Variants in SPRY1 observed in about 807,000 individuals in gnomAD.
SPRY1 encodes the protein protein sprouty homolog 1.
SPRY1 carries 20 observed loss-of-function variants against 22.6 expected under a neutral mutation model. That is an observed-to-expected ratio of 0.89 (90% CI 0.62 to 1.29). The LOEUF is 1.29. Ranked by LOEUF, SPRY1 falls within the 50% of genes most tolerant of loss-of-function variation. The probability of loss-of-function intolerance (pLI) is 0.00; values close to 1 mark genes in which losing one functional copy is unlikely to be tolerated. For missense variants in SPRY1, 446 were observed against 387.7 expected (o/e 1.15, Z -1.26); for synonymous variants, 155 against 144.7 (o/e 1.07, Z -0.51).
In SPRY1 at chr4:123,403,056, C is replaced by G; in HGVS notation, c.*505C>G. ...ATGGGGGATATATTTTTTGCTATAA[C>G]GTAAAAATTTTCCTTTAACCACTGC... On this transcript the variant is annotated 3_prime_UTR_variant, in exon 3 of 3. Coordinates refer to ENST00000651917, the MANE Select transcript of SPRY1 (RefSeq NM_001258038.2). 1 of 376,016 alleles carries G rather than the reference C, an allele frequency of 2.7e-6. No individual in the cohort carries two copies. Among genetic ancestry groups the G allele is most frequent in the Non-Finnish European group, 4.9e-6 (1 of 203,926 alleles). 23.3% of individuals were successfully genotyped at this position (376,016 alleles called of 1,614,324 possible). A position where few individuals can be genotyped will look rare whatever the true frequency, so the allele number is the denominator to read the frequency against.
chr4:123,401,440 G>A (rs1357452936), intron 2 of SPRY1, 97 bp from the exon 3 acceptor site: 16 of 1,115,922 alleles, frequency 1.4e-5, no homozygotes, highest in Admixed American at 2.3e-5. Flanking sequence ...TTACTAGGCG[G>A]TTTAGGCAAT....
chr4:123,401,516 TC>T lies in SPRY1; in HGVS notation c.-55-20del. The T allele has an allele frequency of 6.5e-7, 1 of 1,537,374 alleles. No individual in the cohort carries two copies. The highest frequency in any genetic ancestry group is 8.7e-7 in the Non-Finnish European group (1 of 1,146,374). The stretch of plus-strand genomic sequence containing the variant: ...TCCTGTCATTTATTTTCTGTTTTTT[TC>T]ATCTTTGATTTCGTTTTAGGATTTC... On this transcript the variant is annotated intron_variant, in intron 2 of 2. Transcript: ENST00000651917.
rs1157829202 is a variant in SPRY1, at chr4:123,403,587, GAA to G, written c.*1037_*1038del. On this transcript the variant is annotated 3_prime_UTR_variant, in exon 3 of 3. Transcript: ENST00000651917. The stretch of plus-strand genomic sequence containing the variant: ...GTCTGTTAAACTTTTTTATTGTAAA[GAA>G]TATTTATTATGCGAATCTCTATTAT... 3.6e-5 allele frequency: 6 copies of G among 167,000 alleles called. No homozygotes were observed. The highest frequency in any genetic ancestry group is 1.5e-5 in the Non-Finnish European group (1 of 68,106). The allele number at this position is 167,000 out of a possible 1,614,324, so 10.3% of individuals were successfully genotyped here.
At chr4:123,401,316 G>A (rs1725138195) in intron 2 of SPRY1, among the ~76,000 whole-genome samples, 1 of 152,154 alleles carries the variant, frequency 6.6e-6, no homozygotes, top group Non-Finnish European at 1.5e-5. Context: ...TAATGTTCAT[G>A]GCATGGGGTC....
At chr4:123,398,234 GA>G (rs1479300950) in intron 2 of SPRY1, 5 of 152,166 alleles carry the variant, frequency 3.3e-5, no homozygotes, top group African/African-American at 1.2e-4. Flanking sequence ...TCCCGAGGTG[GA>G]TGTTACTGAG....
rs567046371 is a variant in SPRY1, at chr4:123,403,394, T to A, written c.*843T>A. The A allele has an allele frequency of 6.0e-6, 1 of 167,230 alleles. No individual in the cohort carries two copies. The highest frequency in any genetic ancestry group is 2.4e-5 in the African/African-American group (1 of 41,590). 10.4% of individuals were successfully genotyped at this position (167,230 alleles called of 1,614,324 possible). The stretch of plus-strand genomic sequence containing the variant: ...ATATGTGTCACAGAACTATGCTGCC[T>A]AAAGTGATCTTGGCTCCTTAATGGT... On this transcript the variant is annotated 3_prime_UTR_variant, in exon 3 of 3. Transcript: ENST00000651917.
intron 1 of SPRY1, among the ~76,000 whole-genome samples, chr4:123,397,368 CGTT>C (rs1724951419): frequency 6.6e-6 from 1 of 152,210 alleles, no homozygotes; most frequent in Non-Finnish European, 1.5e-5. Flanking sequence ...GTTGCTTGAA[CGTT>C]GTTTGAACTC....
intron 1 of SPRY1, 140 bp downstream of exon 1, chr4:123,397,072 T>C (rs1352491494): frequency 6.6e-6 from 1 of 152,196 alleles, no homozygotes; most frequent in Non-Finnish European, 1.5e-5. Flanking sequence ...ACCGGTAGCA[T>C]TCCCACTGCT....
In SPRY1 at chr4:123,402,604, T is replaced by TATTTTG; in HGVS notation, c.*53_*54insATTTTG. On this transcript the variant is annotated 3_prime_UTR_variant, in exon 3 of 3. Coordinates refer to ENST00000651917, the MANE Select transcript of SPRY1 (RefSeq NM_001258038.2). The stretch of plus-strand genomic sequence containing the variant: ...ACTTTTAGCTTTCAAGTTGTGGCTG[T>TATTTTG]TTTTTGTTTTTGTTTTTGTTTTTGT... 2.0e-6 allele frequency: 3 copies of TATTTTG among 1,534,782 alleles called. No individual in the cohort carries two copies. The highest frequency in any genetic ancestry group is 1.7e-6 in the Non-Finnish European group (2 of 1,145,092).
Position 123,402,464 on chromosome 4 carries a change from TCGCC to T in SPRY1, c.875_878del (p.Arg292GlnfsTer83). The T allele has an allele frequency of 6.2e-7, 1 of 1,614,180 alleles. No individual in the cohort carries two copies. The highest frequency in any genetic ancestry group is 8.5e-7 in the Non-Finnish European group (1 of 1,180,032). ...GCAGGAGGTGTTATGACTGGATCCATCGCCCAGGGTGCAGATGTAAGAACTCCAA... is the reference window on the plus strand; with the variant it reads ...GCAGGAGGTGTTATGACTGGATCCATCAGGGTGCAGATGTAAGAACTCCAA... On this transcript the variant is annotated frameshift_variant, in exon 3 of 3. Transcript: ENST00000651917. LOFTEE classifies it high-confidence loss of function.
chr4:123,401,201 A>G (rs1229666525), intron 2 of SPRY1, among the ~76,000 whole-genome samples: 1 of 152,198 alleles, frequency 6.6e-6, no homozygotes, highest in Non-Finnish European at 1.5e-5. Flanking sequence ...TCCTGCTTAT[A>G]CTCAGTATTC....
rs1725172037 is a variant in SPRY1, at chr4:123,401,888, T to C, written c.297T>C (p.His99=). The change falls in exon 3 of 3, where the codon CAT becomes CAC. Residue 99 remains histidine, a synonymous_variant. Transcript: ENST00000651917. The stretch of plus-strand genomic sequence containing the variant: ...ACAGACACACAAGCCACCTGGGACA[T>C]GCAGTACTCCCAAGTAATGCCAGGG... ...YEHRHTSHLG[H]AVLPSNARGP... The C allele has an allele frequency of 6.2e-7, 1 of 1,614,064 alleles. No individual in the cohort carries two copies. Among genetic ancestry groups the C allele is most frequent in the Admixed American group, 1.7e-5 (1 of 59,998 alleles).
chr4:123,400,617 G>A (rs1725107060), intron 2 of SPRY1, among the ~76,000 whole-genome samples: 1 of 152,186 alleles, frequency 6.6e-6, no homozygotes, highest in African/African-American at 2.4e-5. Context: ...CAAGAAGAAC[G>A]TTGAATCAGA....
In SPRY1 at chr4:123,402,026, C is replaced by G. The variant is rs371925602; in HGVS notation, c.435C>G (p.Val145=). 1 of 1,613,990 alleles carries G rather than the reference C, an allele frequency of 6.2e-7. No individual in the cohort carries two copies. Among genetic ancestry groups the G allele is most frequent in the Non-Finnish European group, 8.5e-7 (1 of 1,180,028 alleles). The change falls in exon 3 of 3, where the codon GTC becomes GTG. Residue 145 remains valine, a synonymous_variant. Transcript: ENST00000651917. ...LLGRSPPTRP[V]PGHRSERAIR... is the part of the protein sequence containing the mutation. ...GAAGGTCACCACCAACCAGACCAGT[C>G]CCTGGTCATAGGTCTGAAAGGGCAA...
Position 123,401,870 on chromosome 4 carries a change from C to T in SPRY1, c.279C>T (p.His93=). ...TGAATAATAACTACGAGCACAGACACACAAGCCACCTGGGACATGCAGTAC... is the reference window on the plus strand; with the variant it reads ...TGAATAATAACTACGAGCACAGACATACAAGCCACCTGGGACATGCAGTAC... The part of the protein sequence containing the change: ...INVNNNYEHR[H]TSHLGHAVLP... Residue 93 remains histidine, a synonymous_variant, in exon 3 of 3, where the codon CAC becomes CAT. Coordinates refer to ENST00000651917, the MANE Select transcript of SPRY1 (RefSeq NM_001258038.2). 2 of 1,614,210 alleles carry T rather than the reference C, an allele frequency of 1.2e-6. No homozygotes were observed. The highest frequency in any genetic ancestry group is 8.5e-7 in the Non-Finnish European group (1 of 1,180,036).
rs1725259670 is a variant in SPRY1, at chr4:123,403,628, T to C, written c.*1077T>C. On this transcript the variant is annotated 3_prime_UTR_variant, in exon 3 of 3. Transcript: ENST00000651917. ...AATCTCTATTATTTTATGGTATTTA[T>C]TGCAAAAGACTGTTGAAATGTACTC... is the stretch of plus-strand genomic sequence containing the variant. 6.0e-6 allele frequency: 1 copy of C among 167,096 alleles called. No homozygotes were observed. The highest frequency in any genetic ancestry group is 2.4e-5 in the African/African-American group (1 of 41,468). 10.4% of individuals were successfully genotyped at this position (167,096 alleles called of 1,614,324 possible). A position where few individuals can be genotyped will look rare whatever the true frequency, so the allele number is the denominator to read the frequency against.
Position 123,402,185 on chromosome 4 carries a change from A to G in SPRY1, c.594A>G (p.Leu198=), listed in dbSNP as rs1270660072. 1.9e-6 allele frequency: 3 copies of G among 1,614,202 alleles called. No individual in the cohort carries two copies. The highest frequency in any genetic ancestry group is 2.5e-6 in the Non-Finnish European group (3 of 1,180,022). The stretch of plus-strand genomic sequence containing the variant: ...GAGAATGCACTGCTCCCAGGACCCT[A>G]CCATCCTGTTTGGCCTGTAACCGGC... ...KCGECTAPRT[L]PSCLACNRQC... The change falls in exon 3 of 3, where the codon CTA becomes CTG. Residue 198 remains leucine (L), a synonymous_variant. Transcript: ENST00000651917.
Position 123,402,612 on chromosome 4 carries a change from T to C in SPRY1, c.*61T>C. ...CTTTCAAGTTGTGGCTGTTTTTTGT[T>C]TTTGTTTTTGTTTTTGTTTTCTTTA... On this transcript the variant is annotated 3_prime_UTR_variant, in exon 3 of 3. Coordinates refer to ENST00000651917, the MANE Select transcript of SPRY1 (RefSeq NM_001258038.2). 6.6e-7 allele frequency: 1 copy of C among 1,514,046 alleles called. No individual in the cohort carries two copies. The allele number at this position is 1,514,046 out of a possible 1,614,324, so 93.8% of individuals were successfully genotyped here.
At chr4:123,398,747 C>T (rs909686180) in intron 2 of SPRY1, among the ~76,000 whole-genome samples, 1 of 152,108 alleles carries the variant, frequency 6.6e-6, no homozygotes, top group African/African-American at 2.4e-5. Context: ...CGACGGTCTG[C>T]GGCTGCGGAA....
Sources: gnomAD v4.1 joint callset for allele counts (sites outside exome capture counted in the v4.1 genomes callset) on GRCh38, gnomAD v4.1.1 for gene constraint, MANE v1.5 for transcripts, NCBI Gene and HGNC (gene_info 2026-07-23, HGNC 2026-07-21) for gene names.